ADCY9: variants seen among roughly 807,000 people sequenced by gnomAD.
ADCY9 encodes the protein adenylate cyclase 9.
In ADCY9, 50 loss-of-function variants were observed where a neutral mutation model predicts 101.5. The ratio of observed to expected loss-of-function variants is 0.49; its 90% confidence interval spans 0.39 to 0.62. ADCY9 has a LOEUF of 0.62. Among genes scored for constraint, ADCY9 ranks in the 20% least tolerant of loss-of-function variants. ADCY9 has a pLI of 0.00. For synonymous variants in ADCY9, 905 were observed against 769.3 expected (o/e 1.18, Z -2.92); for missense variants, 1,662 against 1,800.4 (o/e 0.92, Z 1.39).
intron 6 of ADCY9, chr16:3,983,697 C>T (rs561947399): frequency 2.8e-5 from 14 of 501,476 alleles, no homozygotes; most frequent in African/African-American, 1.7e-4. Context: ...GGGAGGCTGA[C>T]GTAGGAGGGT....
downstream of ADCY9, among the ~76,000 whole-genome samples, chr16:3,959,367 A>T (rs1396129743): frequency 1.6e-5 from 1 of 62,984 alleles, no homozygotes. Context: ...TATCTCAAAA[A>T]AAAAAAAAAA....
chr16:3,984,076 C>A (rs1287516087), intron 6 of ADCY9: 2 of 151,190 alleles, frequency 1.3e-5, no homozygotes, highest in Non-Finnish European at 3.0e-5. Context: ...TTTCCGAAAA[C>A]AAAAAAACAC....
intron 2 of ADCY9, among the ~76,000 whole-genome samples, chr16:4,037,240 C>T (rs1407897472): frequency 6.6e-6 from 1 of 152,068 alleles, no homozygotes; most frequent in African/African-American, 2.4e-5. Flanking sequence ...ATCATTTGAG[C>T]CCAGGAGGTC....
chr16:3,983,350 GCGTCAGAAACACTGTGGT>G lies in ADCY9; in HGVS notation c.2383_2400del (p.Thr795_Thr800del). 1 of 1,599,380 alleles carries G rather than the reference GCGTCAGAAACACTGTGGT, an allele frequency of 6.3e-7. No individual in the cohort carries two copies. Among genetic ancestry groups the G allele is most frequent in the South Asian group, 1.1e-5 (1 of 88,650 alleles). On this transcript the variant is annotated inframe_deletion, in exon 7 of 11. Transcript: ENST00000294016. The stretch of plus-strand genomic sequence containing the variant: ...TACTTCAGGAAGCAGGTGGTGGACA[GCGTCAGAAACACTGTGGT>G]CGACAGAAACACATCCAGGAGGGAG...
intron 2 of ADCY9, among the ~76,000 whole-genome samples, chr16:4,073,455 G>C (rs1260468096): frequency 7.0e-6 from 1 of 141,946 alleles, no homozygotes; most frequent in East Asian, 2.2e-4. Flanking sequence ...GAATGCAATG[G>C]CGCGATCTCA....
intron 5 of ADCY9, among the ~76,000 whole-genome samples, chr16:3,956,924 A>C (rs1027002098): frequency 3.9e-5 from 6 of 152,150 alleles, no homozygotes; most frequent in Non-Finnish European, 5.9e-5. Context: ...TTATTTGAGC[A>C]ATTAAACATT....
intron 2 of ADCY9, among the ~76,000 whole-genome samples, chr16:4,106,859 C>G (rs754267472): frequency 1.5e-4 from 23 of 152,174 alleles, no homozygotes; most frequent in Admixed American, 3.3e-4. Context: ...ACTATCTCAC[C>G]AAGCTGGCCA....
At chr16:4,017,860 TA>T (rs2056448538) in intron 2 of ADCY9, among the ~76,000 whole-genome samples, 2 of 152,176 alleles carry the variant, frequency 1.3e-5, no homozygotes, top group Non-Finnish European at 2.9e-5. Context: ...TAGTCCAACC[TA>T]AAAACGCCGG....
At position 3,965,573 on chromosome 16, in the gene ADCY9, T is replaced by C; in HGVS notation, c.*202A>G. On this transcript the variant is annotated 3_prime_UTR_variant, in exon 11 of 11. Transcript: ENST00000294016. ...ACGGATGACCCAGAGGCAGCGGGGTTTCCAGGGAAGGGAGCGAAAGGGAAG... is the reference window on the plus strand; with the variant it reads ...ACGGATGACCCAGAGGCAGCGGGGTCTCCAGGGAAGGGAGCGAAAGGGAAG... 1.6e-6 allele frequency: 1 copy of C among 611,970 alleles called. No homozygotes were observed. Among genetic ancestry groups the C allele is most frequent in the Non-Finnish European group, 2.8e-6 (1 of 351,076 alleles). 37.9% of individuals were successfully genotyped at this position (611,970 alleles called of 1,614,324 possible).
Position 4,115,453 on chromosome 16 carries a change from C to A in ADCY9, c.-11G>T. 6.5e-7 allele frequency: 1 copy of A among 1,528,110 alleles called. No individual in the cohort carries two copies. The highest frequency in any genetic ancestry group is 8.8e-7 in the Non-Finnish European group (1 of 1,136,624). 94.7% of individuals were successfully genotyped at this position (1,528,110 alleles called of 1,614,324 possible). The stretch of plus-strand genomic sequence containing the variant: ...GGGTGGGGAAGCCATGTTGTCGAGT[C>A]CCGGGGCCTGCCCCGGCCGGGGTCA... On this transcript the variant is annotated 5_prime_UTR_variant, in exon 2 of 11. Transcript: ENST00000294016. The surrounding 1 kb of genome is among the most constrained non-coding windows in gnomAD (Gnocchi z 6.2).
chr16:4,022,694 T>G (rs1344412595), intron 2 of ADCY9, among the ~76,000 whole-genome samples: 1 of 151,990 alleles, frequency 6.6e-6, no homozygotes, highest in Non-Finnish European at 1.5e-5. Flanking sequence ...TTTGGGAGGC[T>G]GAAGCAGAAG....
At position 4,082,422 on chromosome 16, in the gene ADCY9, A is replaced by G. The variant is rs59301150; in HGVS notation, c.1693+31328T>C. On this transcript the variant is annotated intron_variant, in intron 2 of 10. Transcript: ENST00000294016. ...AATTCTATGTTTTAACTAAAGTCAC[A>G]GCCACTAATGCATTGCATCCCTAAG... Among the ~76,000 whole-genome samples the G allele has an allele frequency of 4.0e-3, 603 of 152,316 alleles. 1 individual carries two copies. Among genetic ancestry groups the G allele is most frequent in the African/African-American group, 0.014 (569 of 41,574 alleles).
chr16:4,052,479 C>G (rs975231060), intron 2 of ADCY9, among the ~76,000 whole-genome samples: 5 of 152,168 alleles, frequency 3.3e-5, no homozygotes, highest in African/African-American at 9.7e-5. Context: ...GAGAGACAGA[C>G]AGACAAACAT....
chr16:4,035,998 C>CA (rs55792873), intron 2 of ADCY9, among the ~76,000 whole-genome samples: 5,799 of 23,084 alleles, frequency 0.25, 1,861 homozygotes, highest in East Asian at 0.33. Flanking sequence ...AACTCCATCT[C>CA]AAAAAAAAAA....
chr16:4,051,748 T>C (rs559367896), intron 2 of ADCY9, among the ~76,000 whole-genome samples: 2 of 152,274 alleles, frequency 1.3e-5, no homozygotes, highest in South Asian at 4.1e-4. Flanking sequence ...AAGCTCCAGC[T>C]TGCAGTGGAA....
chr16:3,990,579 A>G (rs2056236354), intron 5 of ADCY9, among the ~76,000 whole-genome samples: 1 of 151,928 alleles, frequency 6.6e-6, no homozygotes, highest in African/African-American at 2.4e-5. Flanking sequence ...CACGGCGGAC[A>G]CTCTCCTTTC....
At chr16:3,986,282 A>G (rs2056192503) in intron 6 of ADCY9, among the ~76,000 whole-genome samples, 2 of 152,074 alleles carry the variant, frequency 1.3e-5, no homozygotes, top group African/African-American at 2.4e-5. Context: ...TGAGTCCCCA[A>G]ACGCGGGCCA....
At chr16:4,024,888 A>G (rs2056503689) in intron 2 of ADCY9, among the ~76,000 whole-genome samples, 1 of 152,146 alleles carries the variant, frequency 6.6e-6, no homozygotes. Flanking sequence ...CGCTCAAGCG[A>G]TAGGGACAAG....
At chr16:4,103,758 G>A (rs2057058656) in intron 2 of ADCY9, among the ~76,000 whole-genome samples, 1 of 152,158 alleles carries the variant, frequency 6.6e-6, no homozygotes, top group African/African-American at 2.4e-5. Flanking sequence ...TTGAACCCAG[G>A]AGGCGGAGGT....
Sources: allele counts gnomAD v4.1 joint callset (sites outside exome capture counted in the v4.1 genomes callset), GRCh38; gene constraint gnomAD v4.1.1; non-coding constraint Gnocchi (gnomAD v3.1); transcripts MANE v1.5; gene names NCBI Gene and HGNC (gene_info 2026-07-23, HGNC 2026-07-21).